ZNF469: variants seen among roughly 807,000 people sequenced by gnomAD.
ZNF469 encodes the protein zinc finger protein 469.
ZNF469 carries 1 observed loss-of-function variant against 1.0 expected under a neutral mutation model. The ratio of observed to expected loss-of-function variants is 1.00; its 90% CI spans 0.35 to 4.73. ZNF469 has a LOEUF of 4.73. ZNF469 is among the 30% of genes most tolerant of loss of function. The probability of loss-of-function intolerance (pLI) is 0.16; values close to 1 mark genes in which losing one functional copy is unlikely to be tolerated. For missense variants in ZNF469, 6,100 were observed against 5,356.3 expected (o/e 1.14, Z -4.33); for synonymous variants, 2,703 against 2,363.4 (o/e 1.14, Z -4.17).
the ZNF469 span, among the ~76,000 whole-genome samples, chr16:88,376,759 C>T: frequency 7.2e-5 from 11 of 152,350 alleles, no homozygotes; most frequent in Admixed American, 3.3e-4. Context: ...CCCGGCCACA[C>T]GGCTGGCAGA....
chr16:88,182,478 T>G, the ZNF469 span, among the ~76,000 whole-genome samples: 1 of 151,954 alleles, frequency 6.6e-6, no homozygotes, highest in South Asian at 2.1e-4. Context: ...ACACTTGATT[T>G]TTGCAAGAGG....
At chr16:88,263,936 G>GC in the ZNF469 span, among the ~76,000 whole-genome samples, 5 of 152,192 alleles carry the variant, frequency 3.3e-5, no homozygotes, top group Middle Eastern at 3.4e-3. Context: ...CCCAGGCTGG[G>GC]CTGACCAGAG....
chr16:88,286,597 G>A, the ZNF469 span, among the ~76,000 whole-genome samples: 3 of 152,384 alleles, frequency 2.0e-5, no homozygotes, highest in East Asian at 1.9e-4. Context: ...CAGTGCAGGT[G>A]GGGGAGGGAA....
At chr16:88,266,761 G>GAT in the ZNF469 span, among the ~76,000 whole-genome samples, 5 of 152,214 alleles carry the variant, frequency 3.3e-5, no homozygotes, top group African/African-American at 1.2e-4. Flanking sequence ...AGCAGCTGTG[G>GAT]ATAAAACTGG....
the ZNF469 span, among the ~76,000 whole-genome samples, chr16:88,249,226 TA>T: frequency 2.1e-5 from 3 of 142,944 alleles, no homozygotes; most frequent in African/African-American, 5.2e-5. Flanking sequence ...AGCTTCTGTT[TA>T]AAAAAAAAAA....
At chr16:88,118,317 T>C in the ZNF469 span, among the ~76,000 whole-genome samples, 2 of 152,274 alleles carry the variant, frequency 1.3e-5, no homozygotes, top group African/African-American at 2.4e-5. Flanking sequence ...TTTAGAATTC[T>C]TCGCAGTGTT....
chr16:88,432,288 C>T lies in ZNF469; in HGVS notation c.4818C>T (p.Pro1606=). The T allele has an allele frequency of 1.3e-6, 2 of 1,547,154 alleles. No homozygotes were observed. The highest frequency in any genetic ancestry group is 1.2e-5 in the South Asian group (1 of 84,062). Residue 1606 remains proline, a synonymous_variant, in exon 3 of 3, where the codon CCC becomes CCT. Transcript: ENST00000565624. ...AGCTCGGCACAGGCACAGAGCCACC[C>T]TCCCAACGGCGCACCTGCCAGGCCA... ...RVELGTGTEP[P]SQRRTCQATV... is the part of the protein sequence containing the mutation.
the ZNF469 span, among the ~76,000 whole-genome samples, chr16:88,376,566 G>A: frequency 2.0e-5 from 3 of 152,240 alleles, no homozygotes; most frequent in Non-Finnish European, 4.4e-5. Flanking sequence ...TGGGGTTCCC[G>A]CGGCCGGCCG....
At chr16:88,161,343 C>T in the ZNF469 span, among the ~76,000 whole-genome samples, 4 of 152,258 alleles carry the variant, frequency 2.6e-5, no homozygotes, top group African/African-American at 7.2e-5. Context: ...ATCTATGGGG[C>T]GGAAATATGC....
chr16:88,152,743 T>C, the ZNF469 span, among the ~76,000 whole-genome samples: 4 of 152,208 alleles, frequency 2.6e-5, no homozygotes, highest in African/African-American at 9.7e-5. This position sits in a 1 kb window ranked among gnomAD's most constrained non-coding sequence, Gnocchi z 4.2. Context: ...CCAGAGAAAC[T>C]GTCCCTTTCT....
chr16:88,177,757 G>A, the ZNF469 span: 3 of 152,218 alleles, frequency 2.0e-5, no homozygotes, highest in Non-Finnish European at 4.4e-5. The surrounding 1 kb of genome is among the most constrained non-coding windows in gnomAD (Gnocchi z 4.8). Context: ...GCCCAGGCTG[G>A]AGTGCAATGG....
At chr16:88,269,635 C>A in the ZNF469 span, among the ~76,000 whole-genome samples, 1 of 152,126 alleles carries the variant, frequency 6.6e-6, no homozygotes, top group East Asian at 1.9e-4. Context: ...ATCCTCCCAC[C>A]CATCCTTACC....
At chr16:88,144,569 C>T in the ZNF469 span, among the ~76,000 whole-genome samples, 3 of 152,350 alleles carry the variant, frequency 2.0e-5, no homozygotes, top group South Asian at 2.1e-4. Context: ...AGGTCACAGA[C>T]GCAGTGTGTG....
chr16:88,331,354 CCAT>C, the ZNF469 span, among the ~76,000 whole-genome samples: 51 of 151,382 alleles, frequency 3.4e-4, no homozygotes, highest in Non-Finnish European at 1.6e-4. Context: ...CTCCTCACCA[CCAT>C]CATCACCATC....
chr16:88,114,307 T>TGACAGGGACCACACTCACTCACTG, the ZNF469 span, among the ~76,000 whole-genome samples: 14 of 33,696 alleles, frequency 4.2e-4, no homozygotes, highest in East Asian at 1.7e-3. Context: ...GCGGGGGTCT[T>TGACAGGGACCACACTCACTCACTG]CGGGGGGAAT....
At chr16:88,388,163 G>A (rs1281418793) in intron 1 of ZNF469, among the ~76,000 whole-genome samples, 2 of 152,260 alleles carry the variant, frequency 1.3e-5, no homozygotes, top group Non-Finnish European at 2.9e-5. Flanking sequence ...TGAGTGAGCA[G>A]TGAGTGTGAA....
chr16:88,226,674 C>A, the ZNF469 span, among the ~76,000 whole-genome samples: 2 of 151,938 alleles, frequency 1.3e-5, no homozygotes, highest in Non-Finnish European at 2.9e-5. Flanking sequence ...GCTCCAGATG[C>A]TCGCCCAGAC....
chr16:88,421,735 C>A (rs188732739), intron 1 of ZNF469, among the ~76,000 whole-genome samples: 6 of 152,226 alleles, frequency 3.9e-5, no homozygotes, highest in Non-Finnish European at 7.3e-5. Flanking sequence ...TTGTTCAGCG[C>A]GGAAGAAGCA....
chr16:88,439,611 C>G lies in ZNF469; in HGVS notation c.*279C>G. On this transcript the variant is annotated 3_prime_UTR_variant, in exon 3 of 3. Coordinates refer to ENST00000565624, the MANE Select transcript of ZNF469 (RefSeq NM_001367624.2). ...TCTTGGTACCAAGTACTTGAAGAGA[C>G]AGCAGCCCATCCCCTCAGCCCACAC... The G allele has an allele frequency of 2.1e-6, 1 of 485,944 alleles. No homozygotes were observed. The highest frequency in any genetic ancestry group is 3.8e-6 in the Non-Finnish European group (1 of 265,348). The allele number at this position is 485,944 out of a possible 1,614,324, so 30.1% of individuals were successfully genotyped here. A position where few individuals can be genotyped will look rare whatever the true frequency, so the allele number is the denominator to read the frequency against.
Sources: gnomAD v4.1 joint callset for allele counts (sites outside exome capture counted in the v4.1 genomes callset) on GRCh38, gnomAD v4.1.1 for gene constraint, Gnocchi (gnomAD v3.1) non-coding constraint, MANE v1.5 for transcripts, NCBI Gene and HGNC (gene_info 2026-07-23, HGNC 2026-07-21) for gene names.